Variants in SCMH1 observed in about 807,000 individuals in gnomAD.
The protein encoded by SCMH1 is Scm polycomb group protein homolog 1, also known as polycomb protein SCMH1.
A neutral mutation model predicts 70.8 loss-of-function variants in SCMH1; 37 were observed. That is an observed-to-expected ratio of 0.52 (90% CI 0.40 to 0.69). SCMH1 has a LOEUF of 0.69. SCMH1 is among the 30% of genes least tolerant of loss of function. The pLI, the probability that SCMH1 is intolerant of heterozygous loss-of-function variation, is 0.00. For missense variants in SCMH1, 607 were observed against 827.3 expected (o/e 0.73, Z 3.27); for synonymous variants, 292 against 307.4 (o/e 0.95, Z 0.52).
chr1:41,063,185 GGAAACA>G (rs1228704121), intron 10 of SCMH1, among the ~76,000 whole-genome samples: 19 of 151,606 alleles, frequency 1.3e-4, no homozygotes, highest in Non-Finnish European at 2.7e-4. Context: ...AATCAATAGA[GGAAACA>G]GGCCAGGCGT....
At chr1:41,200,485 A>G (rs929435402) in intron 1 of SCMH1, among the ~76,000 whole-genome samples, 4 of 146,680 alleles carry the variant, frequency 2.7e-5, no homozygotes, top group Non-Finnish European at 4.5e-5. Context: ...TCAAAAAAAT[A>G]TATAAATAAA....
At position 41,049,766 on chromosome 1, in the gene SCMH1, C is replaced by CAAA. The variant is rs11400346; in HGVS notation, c.1106-879_1106-877dup. 6.4e-4 allele frequency among the ~76,000 whole-genome samples: 79 copies of CAAA among 123,202 alleles called. 2 individuals carry two copies. Among genetic ancestry groups the CAAA allele is most frequent in the East Asian group, 1.4e-3 (6 of 4,202 alleles). The allele number at this position is 123,202 out of a possible 152,430, so 80.8% of individuals were successfully genotyped here. ...TGGGGGACAGAGTGAGAATTGGTCTCAAAAAAAAAAAAAAAAATTGGGTGC... is the reference window on the plus strand; with the variant it reads ...TGGGGGACAGAGTGAGAATTGGTCTCAAAAAAAAAAAAAAAAAAAATTGGGTGC... On this transcript the variant is annotated intron_variant, in intron 10 of 14. Transcript: ENST00000337495.
At chr1:41,066,503 T>C (rs576313727) in intron 10 of SCMH1, among the ~76,000 whole-genome samples, 4 of 152,344 alleles carry the variant, frequency 2.6e-5, no homozygotes, top group African/African-American at 7.2e-5. Flanking sequence ...AGTATGATTG[T>C]CTATATACTC....
chr1:41,029,624 G>A (rs1035312829), intron 13 of SCMH1, among the ~76,000 whole-genome samples: 7 of 152,142 alleles, frequency 4.6e-5, no homozygotes, highest in Non-Finnish European at 7.4e-5. Context: ...TGGGATCTCT[G>A]TATTTTGACT....
chr1:41,115,930 T>C (rs1670361451), intron 7 of SCMH1, among the ~76,000 whole-genome samples: 1 of 152,256 alleles, frequency 6.6e-6, no homozygotes, highest in South Asian at 2.1e-4. Flanking sequence ...CTGATCTATG[T>C]ATGATTATAA....
chr1:41,185,515 T>A (rs2148632488), intron 2 of SCMH1, among the ~76,000 whole-genome samples: 1 of 152,338 alleles, frequency 6.6e-6, no homozygotes. Context: ...ATGTGGCTAC[T>A]ACAAAACTTT....
At chr1:41,167,409 T>A (rs1313153369) in intron 2 of SCMH1, among the ~76,000 whole-genome samples, 1 of 152,182 alleles carries the variant, frequency 6.6e-6, no homozygotes, top group Admixed American at 6.5e-5. Flanking sequence ...AATTCCCTCC[T>A]CTTCAACTTT....
At chr1:41,107,640 C>T (rs532587800) in intron 8 of SCMH1, among the ~76,000 whole-genome samples, 82 of 152,310 alleles carry the variant, frequency 5.4e-4, no homozygotes, top group Admixed American at 5.1e-3. Flanking sequence ...CTGCCTCAGC[C>T]TCCCGAGTAG....
chr1:41,206,868 C>T (rs1020947089), intron 1 of SCMH1, among the ~76,000 whole-genome samples: 5 of 152,152 alleles, frequency 3.3e-5, no homozygotes, highest in South Asian at 2.1e-4. Context: ...ACGCCAGAAG[C>T]GAGTGGGGGC....
intron 1 of SCMH1, among the ~76,000 whole-genome samples, chr1:41,235,041 A>G (rs1034751805): frequency 6.6e-5 from 10 of 152,148 alleles, no homozygotes; most frequent in African/African-American, 2.4e-4. Context: ...GGCTTCCCAA[A>G]GTGCTGGACT....
intron 1 of SCMH1, among the ~76,000 whole-genome samples, chr1:41,224,892 A>G (rs957000386): frequency 3.3e-5 from 5 of 152,192 alleles, no homozygotes; most frequent in Non-Finnish European, 5.9e-5. Flanking sequence ...GAGACTTTAT[A>G]TGACTTATAA....
chr1:41,138,715 AT>A (rs1407392190), intron 6 of SCMH1, among the ~76,000 whole-genome samples: 2 of 151,910 alleles, frequency 1.3e-5, no homozygotes, highest in East Asian at 1.9e-4. Context: ...GATTCAAGGT[AT>A]TTTTTTCATA....
chr1:41,160,671 C>A lies in SCMH1; in HGVS notation c.106+204G>T, dbSNP rs535484785. Among the ~76,000 whole-genome samples, 42 of 152,240 alleles carry A rather than the reference C, an allele frequency of 2.8e-4. 1 individual carries two copies. Among genetic ancestry groups the A allele is most frequent in the African/African-American group, 9.6e-4 (40 of 41,548 alleles). ...TTCCCTCCCTTCTTGTTAGCTTGGTCTGTGGCCTACTGATAAGCAGGACTT... is the reference window on the plus strand; with the variant it reads ...TTCCCTCCCTTCTTGTTAGCTTGGTATGTGGCCTACTGATAAGCAGGACTT... On this transcript the variant is annotated intron_variant, in intron 4 of 14. Transcript: ENST00000337495.
intron 10 of SCMH1, among the ~76,000 whole-genome samples, chr1:41,062,559 G>A (rs190790985): frequency 6.2e-4 from 94 of 152,014 alleles, no homozygotes; most frequent in African/African-American, 2.2e-3. Flanking sequence ...GGCCAACATG[G>A]TGAAACCCCA....
exon 15 of SCMH1, chr1:41,027,915 G>A: frequency 4.7e-6 from 2 of 423,916 alleles, no homozygotes; most frequent in Non-Finnish European, 8.5e-6. Context: ...CCTGGTGAGA[G>A]GCCAGCCAGG....
At chr1:41,087,483 C>T (rs147595677) in intron 8 of SCMH1, among the ~76,000 whole-genome samples, 4 of 150,238 alleles carry the variant, frequency 2.7e-5, no homozygotes, top group Non-Finnish European at 5.9e-5. Flanking sequence ...TATAATCACA[C>T]GGGTAAATGA....
At chr1:41,126,472 A>T (rs56373819) in intron 6 of SCMH1, among the ~76,000 whole-genome samples, 2,034 of 152,260 alleles carry the variant, frequency 0.013, 47 homozygotes, top group African/African-American at 0.047. Flanking sequence ...CTCTTATCCC[A>T]GTACTTTCTA....
chr1:41,053,567 C>T (rs1341649565), intron 10 of SCMH1, among the ~76,000 whole-genome samples: 8 of 152,228 alleles, frequency 5.3e-5, no homozygotes, highest in Admixed American at 2.6e-4. Context: ...CCCCAGCTGA[C>T]GCTGCATGCA....
intron 6 of SCMH1, among the ~76,000 whole-genome samples, chr1:41,140,378 C>T (rs1035838370): frequency 2.0e-5 from 3 of 151,724 alleles, no homozygotes; most frequent in Admixed American, 6.6e-5. Context: ...CTGCAACCTT[C>T]GCCTCCCGGG....
Sources: allele counts gnomAD v4.1 joint callset (sites outside exome capture counted in the v4.1 genomes callset), GRCh38; gene constraint gnomAD v4.1.1; transcripts MANE v1.5; gene names NCBI Gene and HGNC (gene_info 2026-07-23, HGNC 2026-07-21).